Variants in SH2D7 observed in about 807,000 individuals in gnomAD.
SH2D7 encodes SH2 domain-containing protein 7.
Under a neutral mutation model 40.8 loss-of-function variants are expected in SH2D7, and 32 were observed. That is an observed-to-expected ratio of 0.78 (90% CI 0.59 to 1.05). The LOEUF is 1.05. Ranked by LOEUF, SH2D7 falls within the 50% of genes least tolerant of loss-of-function variation. SH2D7 has a pLI of 0.00. For missense variants in SH2D7, 559 were observed against 566.6 expected, an observed-to-expected ratio of 0.99 and a Z score of 0.14; for synonymous variants, 195 against 221.5, an observed-to-expected ratio of 0.88 and a Z score of 1.06.
At chr15:78,095,227 A>G (rs962332874) in intron 2 of SH2D7, among the ~76,000 whole-genome samples, 1 of 152,274 alleles carries the variant, frequency 6.6e-6, no homozygotes, top group Non-Finnish European at 1.5e-5. Flanking sequence ...CATAAAATGT[A>G]GTAAGGACTT....
chr15:78,093,980 G>A (rs887544309), intron 1 of SH2D7, 132 bp from the exon 2 acceptor site: 5 of 769,078 alleles, frequency 6.5e-6, no homozygotes, highest in Non-Finnish European at 6.3e-6. Context: ...GGTCTGAGTG[G>A]CTCCTCTATA....
In SH2D7 at chr15:78,101,008, C is replaced by T. The variant is rs777252916; in HGVS notation, c.755C>T (p.Ala252Val). 8.7e-6 allele frequency: 14 copies of T among 1,613,646 alleles called. No individual in the cohort carries two copies. Among genetic ancestry groups the T allele is most frequent in the Non-Finnish European group, 1.2e-5 (14 of 1,179,792 alleles). The change falls in exon 5 of 6, where the codon GCA (alanine) becomes GTA (valine). Residue 252 changes from alanine (A) to valine (V), a missense_variant. Transcript: ENST00000328828. ...IYADLRRMNQ[A>V]RLGLGTEGSG... is the part of the protein sequence containing the mutation. ...GCAGACCTGAGGAGGATGAACCAGG[C>T]ACGGCTAGGCTTGGGCACAGAGGGG...
At chr15:78,096,655 C>T (rs540577009) in intron 2 of SH2D7, among the ~76,000 whole-genome samples, 2 of 140,426 alleles carry the variant, frequency 1.4e-5, no homozygotes, top group East Asian at 2.0e-4. Context: ...ACCACGACAC[C>T]GGCTATTTTT....
At chr15:78,100,573 T>G (rs1271829694) in intron 4 of SH2D7, among the ~76,000 whole-genome samples, 1 of 152,116 alleles carries the variant, frequency 6.6e-6, no homozygotes, top group African/African-American at 2.4e-5. Flanking sequence ...GGTGGGAGCC[T>G]GTAATCCCAG....
intron 2 of SH2D7, among the ~76,000 whole-genome samples, chr15:78,094,790 G>A (rs898833673): frequency 1.3e-5 from 2 of 152,206 alleles, no homozygotes; most frequent in Admixed American, 1.3e-4. Context: ...AGTCAGAGCT[G>A]GAGGTGTGGG....
At chr15:78,092,827 G>A (rs567984634) in intron 1 of SH2D7, 67 bp downstream of exon 1, 1 of 1,495,014 alleles carries the variant, frequency 6.7e-7, no homozygotes, top group Admixed American at 2.3e-5. Flanking sequence ...AAATGGTCTG[G>A]GAACTCTGGA....
intron 5 of SH2D7, 51 bp from the exon 6 acceptor site, chr15:78,103,414 T>G: frequency 6.5e-7 from 1 of 1,548,386 alleles, no homozygotes; most frequent in Non-Finnish European, 8.7e-7. Context: ...CCTGGGTCTT[T>G]CCCTCCCTGT....
Position 78,101,406 on chromosome 15 carries a change from G to A in SH2D7, c.1153G>A (p.Ala385Thr). 1 of 1,613,516 alleles carries A rather than the reference G, an allele frequency of 6.2e-7. No homozygotes were observed. Among genetic ancestry groups the A allele is most frequent in the Non-Finnish European group, 8.5e-7 (1 of 1,179,714 alleles). Residue 385 changes from alanine (A) to threonine (T), a missense_variant, in exon 5 of 6, where the codon GCC becomes ACC. Physicochemically the swap from Ala to Thr is moderately conservative, Grantham distance 58. Transcript: ENST00000328828. ...GATCCCAGCTTGCTGGGGTGGCCCA[G>A]CCAGGGCCCCACATCCTGGGGCCAG... ...EQIPACWGGP[A>T]RAPHPGASPT...
At position 78,103,625 on chromosome 15, in the gene SH2D7, C is replaced by G; in HGVS notation, c.*110C>G. On this transcript the variant is annotated 3_prime_UTR_variant, in exon 6 of 6. Transcript: ENST00000328828. ...AAGGCACCCTTTGGATCTTGAGACT[C>G]ATCCAGCCTGCTACAGAACTAGGCT... The G allele has an allele frequency of 7.6e-7, 1 of 1,313,032 alleles. No homozygotes were observed. The highest frequency in any genetic ancestry group is 1.1e-6 in the Non-Finnish European group (1 of 948,150). 81.3% of individuals were successfully genotyped at this position (1,313,032 alleles called of 1,614,324 possible). A position where few individuals can be genotyped will look rare whatever the true frequency, so the allele number is the denominator to read the frequency against.
Position 78,092,675 on chromosome 15 carries a change from C to T in SH2D7, c.91C>T (p.Leu31=). ...QALAELQELA[L]KWFMETQAPF... is the part of the protein sequence containing the mutation. ...CCTGGCTGAGCTCCAGGAGCTTGCCCTGAAGTGGTTCATGGAGACACAGGC... is the reference window on the plus strand; with the variant it reads ...CCTGGCTGAGCTCCAGGAGCTTGCCTTGAAGTGGTTCATGGAGACACAGGC... The change falls in exon 1 of 6, where the codon CTG becomes TTG. Residue 31 remains leucine, a synonymous_variant. Transcript: ENST00000328828. 1 of 1,586,504 alleles carries T rather than the reference C, an allele frequency of 6.3e-7. No individual in the cohort carries two copies. Among genetic ancestry groups the T allele is most frequent in the South Asian group, 1.2e-5 (1 of 86,628 alleles).
chr15:78,101,202 T>C lies in SH2D7; in HGVS notation c.949T>C (p.Cys317Arg). 2 of 1,595,688 alleles carry C rather than the reference T, an allele frequency of 1.3e-6. No individual in the cohort carries two copies. The highest frequency in any genetic ancestry group is 8.5e-7 in the Non-Finnish European group (1 of 1,172,684). The change falls in exon 5 of 6, where the codon TGT (cysteine) becomes CGT (arginine). Residue 317 changes from cysteine (C) to arginine (R), a missense_variant. Coordinates refer to ENST00000328828, the MANE Select transcript of SH2D7 (RefSeq NM_001101404.2). ...CACAGAGTCTCCCACTTCCTGGGGA[T>C]GTTCTGATGCCATGGGATCCCTGGG... ...GPTESPTSWGCSDAMGSLGAT... is the reference protein window; with the variant it reads ...GPTESPTSWGRSDAMGSLGAT...
intron 2 of SH2D7, 101 bp from the exon 3 acceptor site, chr15:78,097,828 C>G: frequency 6.8e-7 from 1 of 1,459,858 alleles, no homozygotes; most frequent in Non-Finnish European, 9.2e-7. Context: ...GGATCAAGAG[C>G]TGGGACCCCT....
Position 78,094,201 on chromosome 15 carries a change from G to A in SH2D7, c.266G>A (p.Arg89Lys), listed in dbSNP as rs1201781736. The A allele has an allele frequency of 6.2e-7, 1 of 1,606,572 alleles. No homozygotes were observed. The highest frequency in any genetic ancestry group is 8.5e-7 in the Non-Finnish European group (1 of 1,176,684). The change falls in exon 2 of 6, where the codon AGG becomes AAG. Residue 89 changes from arginine to lysine, a missense_variant and splice_region_variant. By Grantham distance (26) the Arg-to-Lys change is conservative. Transcript: ENST00000328828. ...GCCACTGGCTACATCTTGTCCTACA[G>A]GTAAGAGGGGAAGCCCTCTGGGCAA... ...DRATGYILSY[R>K]GSDRCRHFVI...
At chr15:78,092,051 G>A (rs2073943348), upstream of SH2D7, among the ~76,000 whole-genome samples, 2 of 152,254 alleles carry the variant, frequency 1.3e-5, no homozygotes, top group Non-Finnish European at 2.9e-5. Context: ...GCAAAGTGCT[G>A]TTTTATTCAC....
In SH2D7 at chr15:78,103,654, A is replaced by T. The variant is rs951058378; in HGVS notation, c.*139A>T. ...CAGCCTGCTACAGAACTAGGCTCCG[A>T]GACAGCCGAGGTGCCTGCCTGAGAG... On this transcript the variant is annotated 3_prime_UTR_variant, in exon 6 of 6. Coordinates refer to ENST00000328828, the MANE Select transcript of SH2D7 (RefSeq NM_001101404.2). 9.3e-7 allele frequency: 1 copy of T among 1,074,834 alleles called. No individual in the cohort carries two copies. Among genetic ancestry groups the T allele is most frequent in the Admixed American group, 2.4e-5 (1 of 40,896 alleles). 66.6% of individuals were successfully genotyped at this position (1,074,834 alleles called of 1,614,324 possible).
In SH2D7 at chr15:78,092,771, T is replaced by C. The variant is rs771082932; in HGVS notation, c.176+11T>C. 6.2e-7 allele frequency: 1 copy of C among 1,603,306 alleles called. No individual in the cohort carries two copies. The highest frequency in any genetic ancestry group is 2.2e-5 in the East Asian group (1 of 44,574). The stretch of plus-strand genomic sequence containing the variant: ...ATTCATCACCCGCAAGTAAGGCTGC[T>C]TCTACCCACAGGTCCCTCATAGCCC... On this transcript the variant is annotated intron_variant, in intron 1 of 5. Coordinates refer to ENST00000328828, the MANE Select transcript of SH2D7 (RefSeq NM_001101404.2).
Position 78,101,072 on chromosome 15 carries a change from C to T in SH2D7, c.819C>T (p.Ala273=), listed in dbSNP as rs1189902900. The T allele has an allele frequency of 1.9e-6, 3 of 1,599,460 alleles. No homozygotes were observed. The African/African-American group carries it at 4.0e-5, about 21-fold the overall frequency. Residue 273 remains alanine (A), a synonymous_variant, in exon 5 of 6, where the codon GCC becomes GCT. Coordinates refer to ENST00000328828, the MANE Select transcript of SH2D7 (RefSeq NM_001101404.2). ...GGCCAGTTCCAGCTGGCAGCCAGGC[C>T]TACTCCCCAGGCAGGGAGGCCCAAA... ...RHGPVPAGSQ[A]YSPGREAQRR...
chr15:78,098,515 A>T lies in SH2D7; in HGVS notation c.564A>T (p.Pro188=). The T allele has an allele frequency of 6.2e-7, 1 of 1,614,008 alleles. No homozygotes were observed. The highest frequency in any genetic ancestry group is 8.5e-7 in the Non-Finnish European group (1 of 1,179,884). ...AGGCCGCCAGCCCCCGCTCTTCTCC[A>T]AAGCCCCAGGTCTCCTTCCTCCATG... ...PDKAASPRSS[P]KPQVSFLHAQ... is the part of the protein sequence containing the mutation. The change falls in exon 4 of 6, where the codon CCA becomes CCT. Residue 188 remains proline (P), a synonymous_variant. Transcript: ENST00000328828.
upstream of SH2D7, among the ~76,000 whole-genome samples, chr15:78,092,283 G>A (rs918631167): frequency 1.5e-4 from 23 of 152,208 alleles, no homozygotes; most frequent in African/African-American, 5.3e-4. Context: ...ACAGGAGGTT[G>A]TGGGGAACAG....
Sources: gnomAD v4.1 joint callset for allele counts (sites outside exome capture counted in the v4.1 genomes callset) on GRCh38, gnomAD v4.1.1 for gene constraint, MANE v1.5 for transcripts, NCBI Gene and HGNC (gene_info 2026-07-23, HGNC 2026-07-21) for gene names.